Variants in NCKAP5 observed in about 807,000 individuals in gnomAD.
NCKAP5 encodes nck-associated protein 5.
In NCKAP5, 92 loss-of-function variants were observed where a neutral mutation model predicts 167.0. That is an observed-to-expected ratio of 0.55 (90% CI 0.47 to 0.66). The LOEUF (loss-of-function observed/expected upper bound fraction) is 0.66, where lower values mean the gene tolerates loss of function less well. Among genes scored for constraint, NCKAP5 ranks in the 30% least tolerant of loss-of-function variants. The pLI is 0.00. For missense variants in NCKAP5, 2,378 were observed against 2,315.0 expected, an observed-to-expected ratio of 1.03 and a Z score of -0.56; for synonymous variants, 891 against 877.4, an observed-to-expected ratio of 1.02 and a Z score of -0.27.
chr2:133,215,375 A>G (rs568884507), intron 4 of NCKAP5, among the ~76,000 whole-genome samples: 2 of 152,342 alleles, frequency 1.3e-5, no homozygotes, highest in African/African-American at 4.8e-5. Context: ...AGAAACTGTT[A>G]AAAATGTAGT....
At chr2:132,834,539 G>T (rs1574368765) in intron 11 of NCKAP5, among the ~76,000 whole-genome samples, 1 of 152,132 alleles carries the variant, frequency 6.6e-6, no homozygotes, top group East Asian at 1.9e-4. Flanking sequence ...TAGAGACGGG[G>T]TTTCACTGTG....
chr2:132,766,416 C>A (rs960262618), intron 16 of NCKAP5, among the ~76,000 whole-genome samples: 3 of 151,832 alleles, frequency 2.0e-5, no homozygotes, highest in Admixed American at 2.0e-4. Context: ...TGTGTGACAG[C>A]AAGAAATTTC....
chr2:133,004,466 G>A (rs887532936), intron 6 of NCKAP5, among the ~76,000 whole-genome samples: 3 of 152,058 alleles, frequency 2.0e-5, no homozygotes, highest in South Asian at 2.1e-4. Context: ...ATCACATGTC[G>A]ACAGGTTCCA....
At chr2:132,997,190 A>C (rs1332306211) in intron 6 of NCKAP5, among the ~76,000 whole-genome samples, 1 of 152,234 alleles carries the variant, frequency 6.6e-6, no homozygotes, top group Non-Finnish European at 1.5e-5. Flanking sequence ...ACTCAGCAGC[A>C]GAGTGAGGAA....
chr2:132,848,745 C>T (rs1688859704), intron 11 of NCKAP5, among the ~76,000 whole-genome samples: 1 of 152,110 alleles, frequency 6.6e-6, no homozygotes, highest in Non-Finnish European at 1.5e-5. Flanking sequence ...GTCACTTGAG[C>T]CTAGGAGTTT....
intron 3 of NCKAP5, among the ~76,000 whole-genome samples, chr2:133,348,441 C>T (rs1559405146): frequency 1.3e-5 from 2 of 152,012 alleles, no homozygotes; most frequent in Non-Finnish European, 2.9e-5. Flanking sequence ...TCTACTGTGA[C>T]AAAAACACAA....
At chr2:132,773,612 T>C (rs1574155134) in intron 16 of NCKAP5, among the ~76,000 whole-genome samples, 1 of 152,338 alleles carries the variant, frequency 6.6e-6, no homozygotes, top group South Asian at 2.1e-4. Flanking sequence ...CTTTTGGAAA[T>C]ACCTGTTTTC....
intron 3 of NCKAP5, among the ~76,000 whole-genome samples, chr2:133,415,943 G>A (rs187708613): frequency 6.6e-6 from 1 of 152,328 alleles, no homozygotes; most frequent in African/African-American, 2.4e-5. Flanking sequence ...CACATTGTGA[G>A]TGGTAGATCA....
At chr2:132,806,988 T>C (rs1685491085) in intron 11 of NCKAP5, among the ~76,000 whole-genome samples, 1 of 152,246 alleles carries the variant, frequency 6.6e-6, no homozygotes, top group African/African-American at 2.4e-5. Context: ...TAGCCAATTA[T>C]CCTAGCACCA....
intron 3 of NCKAP5, among the ~76,000 whole-genome samples, chr2:133,404,916 T>G (rs1257415253): frequency 6.6e-6 from 1 of 152,220 alleles, no homozygotes; most frequent in Non-Finnish European, 1.5e-5. Context: ...ATTAAATGAA[T>G]AGTTAGATGT....
At chr2:133,615,171 A>G in the NCKAP5 span, among the ~76,000 whole-genome samples, 1 of 152,114 alleles carries the variant, frequency 6.6e-6, no homozygotes, top group Non-Finnish European at 1.5e-5. Context: ...GAAAGGAAAA[A>G]CCGGTACCAG....
At chr2:133,390,535 C>T (rs1230133955) in intron 3 of NCKAP5, among the ~76,000 whole-genome samples, 1 of 152,176 alleles carries the variant, frequency 6.6e-6, no homozygotes, top group Non-Finnish European at 1.5e-5. Context: ...TCTTTCTAAT[C>T]TTAATTTTCC....
intron 7 of NCKAP5, among the ~76,000 whole-genome samples, chr2:132,988,583 T>C (rs1380369760): frequency 6.6e-6 from 1 of 152,270 alleles, no homozygotes; most frequent in South Asian, 2.1e-4. Flanking sequence ...CTGGGTTGTC[T>C]GAATCTGCTG....
chr2:132,771,932 C>T (rs1295240568), intron 16 of NCKAP5, among the ~76,000 whole-genome samples: 1 of 148,616 alleles, frequency 6.7e-6, no homozygotes, highest in African/African-American at 2.5e-5. Flanking sequence ...ACCTCGTGAT[C>T]CACCTGCCTT....
intron 8 of NCKAP5, among the ~76,000 whole-genome samples, chr2:132,924,683 T>C (rs1695711889): frequency 1.3e-5 from 2 of 152,216 alleles, no homozygotes; most frequent in African/African-American, 4.8e-5. Context: ...TTTAAATAAC[T>C]AATTTCAAAG....
At chr2:133,179,483 G>A (rs2084637369) in intron 5 of NCKAP5, among the ~76,000 whole-genome samples, 1 of 151,798 alleles carries the variant, frequency 6.6e-6, no homozygotes, top group Non-Finnish European at 1.5e-5. Flanking sequence ...CTAAGTGAAT[G>A]GAAAAAGACA....
intron 7 of NCKAP5, among the ~76,000 whole-genome samples, chr2:132,975,738 G>A (rs1411224001): frequency 6.6e-6 from 1 of 152,020 alleles, no homozygotes; most frequent in East Asian, 1.9e-4. Context: ...CATGTAGATA[G>A]GGAATTTCAG....
chr2:133,044,371 A>G (rs2079318536), intron 6 of NCKAP5, among the ~76,000 whole-genome samples: 1 of 152,194 alleles, frequency 6.6e-6, no homozygotes, highest in Non-Finnish European at 1.5e-5. Flanking sequence ...TATCCCATAC[A>G]TCAATAAGAA....
At chr2:133,111,583 C>G (rs10172235) in intron 6 of NCKAP5, among the ~76,000 whole-genome samples, 1 of 152,064 alleles carries the variant, frequency 6.6e-6, no homozygotes, top group South Asian at 2.1e-4. Context: ...CCTCACTCTA[C>G]AAACACACCC....
Sources: gnomAD v4.1 joint callset for allele counts (sites outside exome capture counted in the v4.1 genomes callset) on GRCh38, gnomAD v4.1.1 for gene constraint, MANE v1.5 for transcripts, NCBI Gene and HGNC (gene_info 2026-07-23, HGNC 2026-07-21) for gene names.